The following DMBT1 variants were observed in gnomAD, a reference collection of about 807,000 sequenced individuals.
The protein encoded by DMBT1 is deleted in malignant brain tumors 1, also known as scavenger receptor cysteine-rich domain-containing protein DMBT1.
DMBT1 carries 198 observed loss-of-function variants against 252.9 expected under a neutral mutation model. That is an observed-to-expected ratio of 0.78 (90% CI 0.70 to 0.88). The LOEUF (loss-of-function observed/expected upper bound fraction) is 0.88. Among genes scored for constraint, DMBT1 ranks in the 40% least tolerant of loss-of-function variants. DMBT1 has a pLI of 0.00. For missense variants in DMBT1, 2,432 were observed against 2,404.7 expected (o/e 1.01, Z -0.24); for synonymous variants, 990 against 942.7 (o/e 1.05, Z -0.92).
Position 122,643,136 on chromosome 10 carries a change from A to G in DMBT1, c.7367A>G (p.Asp2456Gly), listed in dbSNP as rs2133708164. Reference sequence around the variant, plus strand: ...TTCTCTTCCAGATGCGTGAGGGATGACACCTACGGACCCTACTCCTCGCCA... The same window carrying G: ...TTCTCTTCCAGATGCGTGAGGGATGGCACCTACGGACCCTACTCCTCGCCA... ...DLIRSGCVRD[D>G]TYGPYSSPSL... The change falls in exon 56 of 56, where the codon GAC (aspartate) becomes GGC (glycine). Residue 2456 changes from aspartate (D) to glycine (G), a missense_variant. Asp to Gly is a moderately conservative substitution (Grantham distance 94). Around this residue, in one of 3 missense-constraint regions of DMBT1, gnomAD observed 1,162 missense variants for 1,169.0 expected, o/e 0.99. Coordinates refer to ENST00000338354, the MANE Select transcript of DMBT1 (RefSeq NM_001377530.1). The G allele has an allele frequency of 6.2e-7, 1 of 1,613,630 alleles. No individual in the cohort carries two copies. The highest frequency in any genetic ancestry group is 2.2e-5 in the East Asian group (1 of 44,836).
intron 17 of DMBT1, among the ~76,000 whole-genome samples, chr10:122,589,639 G>C (rs961888601): frequency 4.0e-5 from 6 of 148,534 alleles, no homozygotes; most frequent in African/African-American, 1.5e-4. Flanking sequence ...CTGCATAGGA[G>C]CGTGGTATCT....
intron 25 of DMBT1, 139 bp from the exon 26 acceptor site, chr10:122,598,635 C>A: frequency 5.9e-6 from 9 of 1,532,494 alleles, no homozygotes; most frequent in Non-Finnish European, 7.9e-6. Context: ...GAAGCTGAAT[C>A]TCTGATTTTA....
chr10:122,580,118 C>A (rs1190661411), intron 10 of DMBT1, among the ~76,000 whole-genome samples: 1 of 152,170 alleles, frequency 6.6e-6, no homozygotes. Context: ...AGAGTTTTTC[C>A]CCTTCCTGAG....
At chr10:122,576,764 T>G in intron 7 of DMBT1, 42 bp downstream of exon 7, 2 of 1,610,860 alleles carry the variant, frequency 1.2e-6, no homozygotes, top group East Asian at 2.2e-5. Context: ...TGGTGGCTCA[T>G]GCCTTTAATC....
rs2098126051 is a variant in DMBT1 at position 122,627,362 on chromosome 10, A to T, written c.5668+1397A>T. The stretch of plus-strand genomic sequence containing the variant: ...ACTGTATACACACACACAAACACAC[A>T]CACACACACAGTATGGCATGCTTTA... On this transcript the variant is annotated intron_variant, in intron 46 of 55. Transcript: ENST00000338354. 3.3e-5 allele frequency among the ~76,000 whole-genome samples: 5 copies of T among 152,284 alleles called. No individual in the cohort carries two copies. In the South Asian group the frequency reaches 1.0e-3, roughly 32 times the overall value.
chr10:122,630,713 G>T (rs1426207630), intron 48 of DMBT1, among the ~76,000 whole-genome samples: 1 of 152,212 alleles, frequency 6.6e-6, no homozygotes, highest in Admixed American at 6.5e-5. Context: ...CTCTCCAGGG[G>T]ACCTGGTGAC....
At chr10:122,561,188 A>T (rs1214511922) in intron 1 of DMBT1, among the ~76,000 whole-genome samples, 1 of 152,212 alleles carries the variant, frequency 6.6e-6, no homozygotes, top group East Asian at 1.9e-4. Flanking sequence ...TTAAACACAC[A>T]ATTTGTGTGC....
At chr10:122,599,673 C>G (rs1204454366) in intron 26 of DMBT1, among the ~76,000 whole-genome samples, 2 of 152,306 alleles carry the variant, frequency 1.3e-5, no homozygotes, top group African/African-American at 4.8e-5. Flanking sequence ...GTGGGGAGGG[C>G]AGCCCCCATG....
At chr10:122,634,298 AG>A (rs34848118) in intron 52 of DMBT1, among the ~76,000 whole-genome samples, 14,182 of 151,454 alleles carry the variant, frequency 0.094, 768 homozygotes, top group South Asian at 0.18. Flanking sequence ...AATCATAAGT[AG>A]AAATCATCGT....
rs768843558 is a variant in DMBT1 at position 122,600,110 on chromosome 10, C to T, written c.3310+17C>T. 5 of 1,604,760 alleles carry T rather than the reference C, an allele frequency of 3.1e-6. No individual in the cohort carries two copies. Among genetic ancestry groups the T allele is most frequent in the Non-Finnish European group, 4.2e-6 (5 of 1,177,288 alleles). ...CTAGTCCAGGTGGGTCCCCAGTGTC[C>T]TTCCTCAAAATGTCCCTTCTCTTTC... is the stretch of plus-strand genomic sequence containing the variant. On this transcript the variant is annotated intron_variant, in intron 27 of 55. Coordinates refer to ENST00000338354, the MANE Select transcript of DMBT1 (RefSeq NM_001377530.1).
rs1222208616 is a variant in DMBT1 at position 122,625,849 on chromosome 10, A to G, written c.5636-84A>G. 4 of 1,162,338 alleles carry G rather than the reference A, an allele frequency of 3.4e-6. No individual in the cohort carries two copies. The East Asian group carries it at 9.3e-5, about 27-fold the overall frequency. The allele number at this position is 1,162,338 out of a possible 1,614,324, so 72.0% of individuals were successfully genotyped here. ...GAGAAGTCCTGTACTAAGGAAAAGG[A>G]TTTAACTTTGTCAGTCAAACAAATT... On this transcript the variant is annotated intron_variant, in intron 45 of 55. Coordinates refer to ENST00000338354, the MANE Select transcript of DMBT1 (RefSeq NM_001377530.1).
rs371601589 is a variant in DMBT1, at chr10:122,637,260, C to T, written c.6890C>T (p.Pro2297Leu). The T allele has an allele frequency of 3.8e-5, 61 of 1,613,790 alleles. No individual in the cohort carries two copies. The highest frequency in any genetic ancestry group is 1.3e-4 in the South Asian group (12 of 91,048). Residue 2297 changes from proline to leucine, a missense_variant, in exon 54 of 56, where the codon CCG becomes CTG. Pro to Leu is a moderately conservative substitution (Grantham distance 98). Around this residue, in one of 3 missense-constraint regions of DMBT1, gnomAD observed 1,162 missense variants for 1,169.0 expected, o/e 0.99. Transcript: ENST00000338354. The part of the protein sequence containing the change: ...GYYECRPQIT[P>L]NLVIFTIPYS... ...TACGAGTGTCGGCCCCAGATAACGC[C>T]GAACCTGGTGATATTCACAATTCCC...
At chr10:122,619,844 A>G (rs1363789934) in intron 42 of DMBT1, among the ~76,000 whole-genome samples, 1 of 152,250 alleles carries the variant, frequency 6.6e-6, no homozygotes, top group Non-Finnish European at 1.5e-5. Flanking sequence ...ATGCTCGGGC[A>G]GGGAGAGGGA....
At chr10:122,625,340 T>C (rs1376749449) in intron 45 of DMBT1, 37 bp downstream of exon 45, 2 of 1,587,556 alleles carry the variant, frequency 1.3e-6, no homozygotes, top group Non-Finnish European at 1.7e-6. Flanking sequence ...AATATTTCTC[T>C]TGGGAATTCC....
intron 45 of DMBT1, among the ~76,000 whole-genome samples, chr10:122,625,709 C>T (rs754582831): frequency 1.6e-4 from 25 of 152,174 alleles, no homozygotes; most frequent in Non-Finnish European, 2.6e-4. Flanking sequence ...GGGAGCCATC[C>T]GCAAAGCGTT....
intron 6 of DMBT1, among the ~76,000 whole-genome samples, chr10:122,575,501 CTT>C (rs1196294507): frequency 6.6e-6 from 1 of 151,920 alleles, no homozygotes; most frequent in Non-Finnish European, 1.5e-5. Context: ...GGAGACCTAA[CTT>C]TATATTTTCT....
At chr10:122,630,257 A>G (rs771063275) in intron 47 of DMBT1, 31 bp from the exon 48 acceptor site, 11 of 1,597,252 alleles carry the variant, frequency 6.9e-6, no homozygotes, top group South Asian at 1.1e-5. Flanking sequence ...AGGAATTTCA[A>G]TGTTGACTTG....
At position 122,591,482 on chromosome 10, in the gene DMBT1, C is replaced by G. The variant is rs201320887; in HGVS notation, c.2141C>G (p.Thr714Arg). ...TTGTCTTTGTTGCAATTTACAGACA[C>G]GTTGTCGACCATCACGTTACCTCCA... ...AQSRSTPRPD[T>R]LSTITLPPST... The change falls in exon 19 of 56, where the codon ACG (threonine) becomes AGG (arginine). Residue 714 changes from threonine (T) to arginine (R), a missense_variant. By Grantham distance (71) the Thr-to-Arg change is moderately conservative. This residue lies in a region of DMBT1 where 1,264 missense variants were observed against 1,082.2 expected (regional missense o/e 1.17). Coordinates refer to ENST00000338354, the MANE Select transcript of DMBT1 (RefSeq NM_001377530.1). 83 of 1,587,202 alleles carry G rather than the reference C, an allele frequency of 5.2e-5. 11 individuals carry two copies. Among genetic ancestry groups the G allele is most frequent in the Non-Finnish European group, 6.7e-5 (78 of 1,164,888 alleles).
chr10:122,574,021 A>T (rs948446835), intron 6 of DMBT1, among the ~76,000 whole-genome samples: 1 of 152,084 alleles, frequency 6.6e-6, no homozygotes, highest in Non-Finnish European at 1.5e-5. Context: ...AGATTCTGTT[A>T]TCTTTGCTTG....
Sources: gnomAD v4.1 joint callset for allele counts (sites outside exome capture counted in the v4.1 genomes callset) on GRCh38, gnomAD v4.1.1 for gene constraint, gnomAD v4.1.1 regional missense constraint, MANE v1.5 for transcripts, NCBI Gene and HGNC (gene_info 2026-07-23, HGNC 2026-07-21) for gene names.